MID1: variants seen among roughly 807,000 people sequenced by gnomAD.
MID1 encodes the protein midline 1.
A neutral mutation model predicts 40.4 loss-of-function variants in MID1; 7 were observed. The observed-to-expected ratio is 0.17, with a 90% confidence interval of 0.10 to 0.33. The LOEUF (loss-of-function observed/expected upper bound fraction) is 0.33, where lower values mean the gene tolerates loss of function less well. Among genes scored for constraint, MID1 ranks in the 10% least tolerant of loss-of-function variants. The pLI, the probability that MID1 is intolerant of heterozygous loss-of-function variation, is 1.00. For synonymous variants in MID1, 229 were observed against 221.2 expected (o/e 1.04, Z -0.31); for missense variants, 367 against 558.5 (o/e 0.66, Z 3.46).
intron 1 of MID1, among the ~76,000 whole-genome samples, chrX:10,668,928 T>G (rs1221663482): frequency 1.8e-5 from 2 of 112,122 alleles, no homozygotes; most frequent in Non-Finnish European, 3.8e-5. Flanking sequence ...GTCTTAGAAA[T>G]CTAGGACACG....
In MID1 at chrX:10,617,026, T is replaced by C. The variant is rs947759547; in HGVS notation, c.-57+3264A>G. On this transcript the variant is annotated intron_variant, in intron 1 of 9. Transcript: ENST00000317552. ...CTGGACTTTCAAATGAAGGAAACCA[T>C]ACAACATACTTGGGACACAATATAC... 2.0e-4 allele frequency among the ~76,000 whole-genome samples: 23 copies of C among 112,356 alleles called. No homozygotes were observed. In the Admixed American group the frequency reaches 2.2e-3, roughly 11 times the overall value.
chrX:10,672,650 T>G (rs745619755), intron 1 of MID1, among the ~76,000 whole-genome samples: 37 of 111,704 alleles, frequency 3.3e-4, no homozygotes, highest in African/African-American at 1.0e-3. Flanking sequence ...ACCTTGATTT[T>G]AGATCCATTT....
rs1191098048 is a variant in MID1, at chrX:10,613,764, GAGAGAC to G, written c.-57+6520_-57+6525del. ...AGAGAGAGAGAGAGAGAGAGAGAGA[GAGAGAC>G]AGACAGACAGACAGACAGACAGAGA... On this transcript the variant is annotated intron_variant, in intron 1 of 9. Transcript: ENST00000317552. 6.5e-3 allele frequency among the ~76,000 whole-genome samples: 548 copies of G among 84,341 alleles called. 6 individuals carry two copies. Among genetic ancestry groups the G allele is most frequent in the African/African-American group, 0.024 (447 of 18,706 alleles). 73.2% of individuals were successfully genotyped at this position (84,341 alleles called of 115,157 possible).
At chrX:10,810,909 G>C (rs1461950915) in intron 1 of MID1, among the ~76,000 whole-genome samples, 1 of 110,432 alleles carries the variant, frequency 9.1e-6, no homozygotes. Context: ...TAGTGTCCCT[G>C]TCTGTGGTGC....
intron 3 of MID1, among the ~76,000 whole-genome samples, chrX:10,513,765 T>A (rs1932269659): frequency 8.9e-6 from 1 of 112,232 alleles, no homozygotes; most frequent in Admixed American, 9.4e-5. Flanking sequence ...CACTTTGGCC[T>A]CCCAAAGTGC....
At chrX:10,643,742 C>G (rs1936230033) in intron 1 of MID1, among the ~76,000 whole-genome samples, 1 of 111,200 alleles carries the variant, frequency 9.0e-6, no homozygotes, top group African/African-American at 3.3e-5. Flanking sequence ...ATAGCAAAGA[C>G]TTGGAACCAA....
At chrX:10,456,797 G>A (rs890536518) in intron 8 of MID1, among the ~76,000 whole-genome samples, 1 of 111,584 alleles carries the variant, frequency 9.0e-6, no homozygotes, top group Non-Finnish European at 1.9e-5. Context: ...AGACCATGCC[G>A]CTGCGCTCCA....
At chrX:10,468,485 T>G (rs1569273423) in intron 7 of MID1, among the ~76,000 whole-genome samples, 1 of 112,844 alleles carries the variant, frequency 8.9e-6, no homozygotes, top group Non-Finnish European at 1.9e-5. Flanking sequence ...ATGAATTTAT[T>G]CAAAACATCT....
chrX:10,496,435 G>A (rs759120378), intron 3 of MID1, among the ~76,000 whole-genome samples: 1 of 112,172 alleles, frequency 8.9e-6, no homozygotes, highest in South Asian at 3.7e-4. Context: ...AACTAGGCCT[G>A]GGAAATACTC....
chrX:10,581,471 T>C (rs1935018123), intron 1 of MID1, among the ~76,000 whole-genome samples: 1 of 111,384 alleles, frequency 9.0e-6, no homozygotes, highest in Non-Finnish European at 1.9e-5. Flanking sequence ...TGAGGATTAG[T>C]GAGGTGAACT....
intron 1 of MID1, among the ~76,000 whole-genome samples, chrX:10,785,453 T>C (rs1391396931): frequency 9.0e-6 from 1 of 111,174 alleles, no homozygotes; most frequent in African/African-American, 3.3e-5. Flanking sequence ...CTTCAAAGAA[T>C]TGGAAAAAAT....
chrX:10,638,276 C>G (rs1936143853), intron 1 of MID1, among the ~76,000 whole-genome samples: 1 of 111,893 alleles, frequency 8.9e-6, no homozygotes. Flanking sequence ...CCGTGACAGA[C>G]AGCAACTGGA....
chrX:10,714,719 C>T (rs6639031), intron 1 of MID1, among the ~76,000 whole-genome samples: 24 of 111,670 alleles, frequency 2.1e-4, no homozygotes, highest in South Asian at 3.7e-4. Context: ...CCAAACATAA[C>T]GAAAAGAGAA....
At chrX:10,572,397 A>G (rs1351580099) in intron 1 of MID1, among the ~76,000 whole-genome samples, 1 of 109,853 alleles carries the variant, frequency 9.1e-6, no homozygotes, top group African/African-American at 3.3e-5. Context: ...TAAAAATACA[A>G]AAAATTAGCT....
intron 1 of MID1, among the ~76,000 whole-genome samples, chrX:10,637,750 C>G (rs2097335803): frequency 9.0e-6 from 1 of 111,716 alleles, no homozygotes; most frequent in Non-Finnish European, 1.9e-5. Context: ...TTAGAATTAT[C>G]TGGGCTCCTA....
At chrX:10,668,947 C>T (rs1174881067) in intron 1 of MID1, among the ~76,000 whole-genome samples, 1 of 111,724 alleles carries the variant, frequency 9.0e-6, no homozygotes, top group Non-Finnish European at 1.9e-5. Flanking sequence ...CGGCCGGGCG[C>T]GGTGGCTCAC....
chrX:10,549,194 T>G (rs1846790219), intron 2 of MID1, among the ~76,000 whole-genome samples: 2 of 112,814 alleles, frequency 1.8e-5, no homozygotes, highest in African/African-American at 6.4e-5. Context: ...TAATGAAAAT[T>G]TCTGCGCTCT....
chrX:10,713,389 T>C (rs2043281820), intron 1 of MID1, among the ~76,000 whole-genome samples: 1 of 108,375 alleles, frequency 9.2e-6, no homozygotes, highest in Admixed American at 9.9e-5. Flanking sequence ...AGTGGCACCA[T>C]CATGGGTCAC....
intron 1 of MID1, among the ~76,000 whole-genome samples, chrX:10,755,593 A>AG (rs1322633747): frequency 1.8e-5 from 2 of 112,227 alleles, no homozygotes; most frequent in African/African-American, 6.5e-5. Context: ...CCCCCAAGCC[A>AG]GGGGTCGTTA....
Sources: allele counts gnomAD v4.1 joint callset (sites outside exome capture counted in the v4.1 genomes callset), GRCh38; gene constraint gnomAD v4.1.1; transcripts MANE v1.5; gene names NCBI Gene and HGNC (gene_info 2026-07-23, HGNC 2026-07-21).